Variants in CACNA1D observed in about 807,000 individuals in gnomAD.
CACNA1D encodes the protein voltage-dependent L-type calcium channel subunit alpha-1D.
A neutral mutation model predicts 257.1 loss-of-function variants in CACNA1D; 55 were observed. The ratio of observed to expected loss-of-function variants is 0.21; its 90% confidence interval spans 0.17 to 0.27. The LOEUF is 0.27. Ranked by LOEUF, CACNA1D falls within the 10% of genes least tolerant of loss-of-function variation. The pLI, the probability that CACNA1D is intolerant of heterozygous loss-of-function variation, is 1.00. For synonymous variants in CACNA1D, 980 were observed against 1,014.9 expected, an observed-to-expected ratio of 0.97 and a Z score of 0.65; for missense variants, 1,876 against 2,784.0, an observed-to-expected ratio of 0.67 and a Z score of 7.34.
At chr3:53,596,016 T>C (rs2093365405) in intron 3 of CACNA1D, among the ~76,000 whole-genome samples, 1 of 152,154 alleles carries the variant, frequency 6.6e-6, no homozygotes, top group Non-Finnish European at 1.5e-5. Context: ...TCTGTCATCA[T>C]TACAGAAACA....
At chr3:53,538,239 C>T (rs1262726760) in intron 3 of CACNA1D, among the ~76,000 whole-genome samples, 1 of 149,794 alleles carries the variant, frequency 6.7e-6, no homozygotes, top group Admixed American at 6.7e-5. Context: ...CCTCTGCCTC[C>T]ACAGTTCAAG....
In CACNA1D at chr3:53,740,598, GT is replaced by G. The variant is rs57900500; in HGVS notation, c.2811+271del. 66,561 of 326,862 alleles carry G rather than the reference GT, an allele frequency of 0.2. 3,659 individuals are homozygous for G. Among genetic ancestry groups the G allele is most frequent in the Admixed American group, 0.25 (4,960 of 20,130 alleles). 20.2% of individuals were successfully genotyped at this position (326,862 alleles called of 1,614,324 possible). ...TTTTTGTCTTTCGTGGTTGAGCTAA[GT>G]TTTTTTTTTTTGTTTTTTAAACCGA... On this transcript the variant is annotated intron_variant, in intron 21 of 47. Transcript: ENST00000350061.
chr3:53,542,680 T>C lies in CACNA1D; in HGVS notation c.483+40960T>C, dbSNP rs566826967. Among the ~76,000 whole-genome samples the C allele has an allele frequency of 1.2e-4, 18 of 152,350 alleles. No homozygotes were observed. In the South Asian group the frequency reaches 2.3e-3, roughly 19 times the overall value. Reference sequence around the variant, plus strand: ...TTAGATATAAGTGAAATAGCCGGTTTACTTACCAATAGACAGGAAAGTAGT... The same window carrying C: ...TTAGATATAAGTGAAATAGCCGGTTCACTTACCAATAGACAGGAAAGTAGT... On this transcript the variant is annotated intron_variant, in intron 3 of 47. Transcript: ENST00000350061.
intron 11 of CACNA1D, 31 bp downstream of exon 11, chr3:53,719,812 C>G: frequency 6.2e-7 from 1 of 1,603,374 alleles, no homozygotes; most frequent in Non-Finnish European, 8.5e-7. Context: ...TCTTCGTCAG[C>G]CTGTGTGTTG....
At chr3:53,564,759 T>C (rs954480939) in intron 3 of CACNA1D, among the ~76,000 whole-genome samples, 1 of 152,202 alleles carries the variant, frequency 6.6e-6, no homozygotes, top group East Asian at 1.9e-4. Context: ...TTCCATTTTA[T>C]AGGTAAGGAA....
chr3:53,718,752 G>T, intron 10 of CACNA1D: 1 of 1,549,938 alleles, frequency 6.5e-7, no homozygotes. Context: ...GTAAAGGCCT[G>T]ATTCTCCTTC....
chr3:53,547,829 G>A (rs1258238562), intron 3 of CACNA1D, among the ~76,000 whole-genome samples: 1 of 152,162 alleles, frequency 6.6e-6, no homozygotes, highest in Admixed American at 6.5e-5. Context: ...GAGTAGAACT[G>A]GGAATGACAA....
At position 53,691,392 on chromosome 3, in the gene CACNA1D, G is replaced by A. The variant is rs569779059; in HGVS notation, c.1221-11249G>A. Reference sequence around the variant, plus strand: ...TGACCTCAGGTGATCTGCCCGTCTCGGCCTCCCAATTGAAGAATACCTCTT... The same window carrying A: ...TGACCTCAGGTGATCTGCCCGTCTCAGCCTCCCAATTGAAGAATACCTCTT... On this transcript the variant is annotated intron_variant, in intron 8 of 47. Coordinates refer to ENST00000350061, the MANE Select transcript of CACNA1D (RefSeq NM_001128840.3). Among the ~76,000 whole-genome samples, 8 of 151,906 alleles carry A rather than the reference G, an allele frequency of 5.3e-5. No individual in the cohort carries two copies. The East Asian group carries it at 1.2e-3, about 22-fold the overall frequency.
intron 46 of CACNA1D, 73 bp from the exon 47 acceptor site, chr3:53,809,905 G>A: frequency 7.0e-7 from 1 of 1,424,716 alleles, no homozygotes. Context: ...CCGGTGCTTG[G>A]TCTGTGCGCA....
At chr3:53,497,985 G>T (rs1255944502) in intron 2 of CACNA1D, among the ~76,000 whole-genome samples, 1 of 152,208 alleles carries the variant, frequency 6.6e-6, no homozygotes, top group Non-Finnish European at 1.5e-5. Flanking sequence ...GACATTTGGT[G>T]ATTCTAATTA....
intron 3 of CACNA1D, among the ~76,000 whole-genome samples, chr3:53,573,899 T>A (rs1216138560): frequency 6.6e-6 from 1 of 152,188 alleles, no homozygotes; most frequent in Non-Finnish European, 1.5e-5. Flanking sequence ...TACATTTGTA[T>A]TGTTGTGTAA....
At position 53,805,025 on chromosome 3, in the gene CACNA1D, C is replaced by G; in HGVS notation, c.5628C>G (p.Ile1876Met). Residue 1876 changes from isoleucine (I) to methionine (M), a missense_variant, in exon 45 of 48, where the codon ATC (isoleucine) becomes ATG (methionine). Ile to Met is a conservative substitution (Grantham distance 10). Coordinates refer to ENST00000350061, the MANE Select transcript of CACNA1D (RefSeq NM_001128840.3). ...ACAGCAGATACCCAGGCAGAAACAT[C>G]GACTCTGAGAGGCCCCGAGGCTACC... is the stretch of plus-strand genomic sequence containing the variant. ...GYYSRYPGRN[I>M]DSERPRGYHH... 6.2e-7 allele frequency: 1 copy of G among 1,614,120 alleles called. No individual in the cohort carries two copies. Among genetic ancestry groups the G allele is most frequent in the South Asian group, 1.1e-5 (1 of 91,078 alleles).
chr3:53,528,589 T>C (rs2091843933), intron 3 of CACNA1D, among the ~76,000 whole-genome samples: 4 of 152,210 alleles, frequency 2.6e-5, no homozygotes, highest in South Asian at 4.1e-4. Flanking sequence ...GGGGTTTTGA[T>C]TGAGATGACG....
intron 19 of CACNA1D, among the ~76,000 whole-genome samples, chr3:53,733,956 GTA>G (rs1305925883): frequency 2.8e-4 from 39 of 141,052 alleles, no homozygotes; most frequent in African/African-American, 9.7e-4. Flanking sequence ...GTGTGTGTAT[GTA>G]TGTATGTATG....
chr3:53,760,827 G>A (rs532231455), intron 29 of CACNA1D, among the ~76,000 whole-genome samples: 4 of 152,172 alleles, frequency 2.6e-5, no homozygotes, highest in Admixed American at 2.6e-4. Context: ...TGGACAAAGG[G>A]GACATTGCCC....
chr3:53,719,694 T>C (rs2094860664), intron 10 of CACNA1D, 61 bp from the exon 11 acceptor site: 1 of 1,420,654 alleles, frequency 7.0e-7, no homozygotes, highest in African/African-American at 1.4e-5. Flanking sequence ...GCTGAAATGA[T>C]GGGGAGTGTG....
At chr3:53,736,741 A>G (rs1028704950) in intron 20 of CACNA1D, among the ~76,000 whole-genome samples, 1 of 152,096 alleles carries the variant, frequency 6.6e-6, no homozygotes. Flanking sequence ...AAATTTAAAA[A>G]TTAGCCACAC....
In CACNA1D at chr3:53,650,932, A is replaced by T. The variant is rs762353490; in HGVS notation, c.623+14A>T. The T allele has an allele frequency of 3.6e-5, 58 of 1,606,040 alleles. No individual in the cohort carries two copies. The highest frequency in any genetic ancestry group is 4.8e-5 in the Non-Finnish European group (56 of 1,173,450). ...AGTAATAGTAGGGTAAGTCTCTTTT[A>T]CTTTGGGGAAATGTTGATTTGGAAA... On this transcript the variant is annotated intron_variant, in intron 4 of 47. Coordinates refer to ENST00000350061, the MANE Select transcript of CACNA1D (RefSeq NM_001128840.3).
chr3:53,506,206 C>G (rs550114538), intron 3 of CACNA1D, among the ~76,000 whole-genome samples: 25 of 152,332 alleles, frequency 1.6e-4, no homozygotes, highest in Admixed American at 1.0e-3. Context: ...TCTTCTCAGA[C>G]AGCTCATATG....
Sources: allele counts gnomAD v4.1 joint callset (sites outside exome capture counted in the v4.1 genomes callset), GRCh38; gene constraint gnomAD v4.1.1; transcripts MANE v1.5; gene names NCBI Gene and HGNC (gene_info 2026-07-23, HGNC 2026-07-21).